Variants in IFT46 observed in about 807,000 individuals in gnomAD.
IFT46 encodes intraflagellar transport 46.
In IFT46, 19 loss-of-function variants were observed where a neutral mutation model predicts 39.6. The observed-to-expected ratio is 0.48, with a 90% CI of 0.33 to 0.70. The LOEUF (loss-of-function observed/expected upper bound fraction) is 0.70. IFT46 is among the 30% of genes least tolerant of loss of function. The pLI is 0.01. For missense variants in IFT46, 334 were observed against 364.8 expected (o/e 0.92, Z 0.69); for synonymous variants, 117 against 134.8 (o/e 0.87, Z 0.91).
At chr11:118,552,429 A>G in intron 7 of IFT46, 94 bp from the exon 8 acceptor site, 1 of 1,471,476 alleles carries the variant, frequency 6.8e-7, no homozygotes. Context: ...TTCATATTCG[A>G]GCTTGCTGAT....
chr11:118,568,173 T>C (rs1367145298), upstream of IFT46, among the ~76,000 whole-genome samples: 1 of 152,206 alleles, frequency 6.6e-6, no homozygotes. Flanking sequence ...AATAAGGCAA[T>C]AGTTTCTAAC....
intron 9 of IFT46, among the ~76,000 whole-genome samples, chr11:118,548,200 TAATA>T (rs1196304089): frequency 4.6e-5 from 7 of 150,778 alleles, no homozygotes; most frequent in Non-Finnish European, 5.9e-5. Context: ...CTTTTCTTAT[TAATA>T]TATAAGAGCT....
At chr11:118,560,490 AAG>A (rs1449029243) in intron 2 of IFT46, 1 of 173,628 alleles carries the variant, frequency 5.8e-6, no homozygotes, top group Non-Finnish European at 1.2e-5. Flanking sequence ...AAAGAAAAGA[AAG>A]AGAAAAATAT....
chr11:118,569,255 G>A (rs899721835), upstream of IFT46, among the ~76,000 whole-genome samples: 2 of 151,206 alleles, frequency 1.3e-5, no homozygotes, highest in African/African-American at 4.9e-5. Context: ...CTCCAGCCCG[G>A]GCAACAAAAG....
chr11:118,567,305 G>A (rs890670992), upstream of IFT46, among the ~76,000 whole-genome samples: 11 of 151,962 alleles, frequency 7.2e-5, no homozygotes, highest in Admixed American at 7.2e-4. Flanking sequence ...GGTCGGGCAC[G>A]GTGGCTCACG....
upstream of IFT46, among the ~76,000 whole-genome samples, chr11:118,576,866 C>T (rs2135533205): frequency 6.6e-6 from 1 of 152,200 alleles, no homozygotes; most frequent in South Asian, 2.1e-4. Flanking sequence ...TACCCTACTT[C>T]TTTCTTCATC....
intron 6 of IFT46, 68 bp downstream of exon 6, chr11:118,554,922 C>CT: frequency 8.6e-7 from 1 of 1,160,380 alleles, no homozygotes. Context: ...ATTAGGGAAA[C>CT]TGTTAAGAGT....
At position 118,551,787 on chromosome 11, in the gene IFT46, T is replaced by C; in HGVS notation, c.671A>G (p.Lys224Arg). The change falls in exon 9 of 12, where the codon AAG becomes AGG. Residue 224 changes from lysine to arginine, a missense_variant and splice_region_variant. Transcript: ENST00000264021. ...WSPEFEELLGKVSLPTAEIDC... is the reference protein window; with the variant it reads ...WSPEFEELLGRVSLPTAEIDC... ...TACCTCCTGCTACCTTCCACTCACC[T>C]TGCCCAAAAGCTCTTCAAACTCCGG... The C allele has an allele frequency of 6.2e-7, 1 of 1,613,688 alleles. No homozygotes were observed. The highest frequency in any genetic ancestry group is 8.5e-7 in the Non-Finnish European group (1 of 1,179,644).
intron 8 of IFT46, among the ~76,000 whole-genome samples, 154 bp downstream of exon 8, chr11:118,552,060 A>C (rs1555068588): frequency 6.6e-6 from 1 of 152,168 alleles, no homozygotes; most frequent in African/African-American, 2.4e-5. Flanking sequence ...TACAATCTTT[A>C]TGTCTACAAT....
At chr11:118,555,159 AGG>A (rs1555069229) in intron 5 of IFT46, 76 bp from the exon 6 acceptor site, 1 of 1,535,952 alleles carries the variant, frequency 6.5e-7, no homozygotes, top group African/African-American at 1.4e-5. Context: ...AAAAAATCTA[AGG>A]GGAATGGCCC....
intron 4 of IFT46, among the ~76,000 whole-genome samples, chr11:118,556,396 G>C (rs1937835983): frequency 6.6e-6 from 1 of 152,128 alleles, no homozygotes; most frequent in African/African-American, 2.4e-5. Context: ...AGGAGGCTGA[G>C]GCAGGAGAAT....
chr11:118,568,217 G>T (rs1407608133), upstream of IFT46, among the ~76,000 whole-genome samples: 1 of 152,140 alleles, frequency 6.6e-6, no homozygotes, highest in African/African-American at 2.4e-5. Flanking sequence ...ATAAGAATTT[G>T]TTCCATGTTT....
At chr11:118,574,972 CT>C (rs1938454008), upstream of IFT46, among the ~76,000 whole-genome samples, 1 of 152,008 alleles carries the variant, frequency 6.6e-6, no homozygotes, top group African/African-American at 2.4e-5. Context: ...CATGTTCTGA[CT>C]TTTTTTCTTG....
At chr11:118,560,988 C>A in intron 2 of IFT46, 2 of 1,399,238 alleles carry the variant, frequency 1.4e-6, no homozygotes, top group Non-Finnish European at 2.0e-6. Context: ...ACTTATTGTA[C>A]TGGCCTGCTG....
rs1038598543 is a variant in IFT46 at position 118,552,479 on chromosome 11, G to A, written c.484-144C>T. 4.1e-6 allele frequency: 4 copies of A among 970,478 alleles called. No homozygotes were observed. In the African/African-American group the frequency reaches 4.9e-5, roughly 12 times the overall value. 60.1% of individuals were successfully genotyped at this position (970,478 alleles called of 1,614,324 possible). A position where few individuals can be genotyped will look rare whatever the true frequency, so the allele number is the denominator to read the frequency against. Reference sequence around the variant, plus strand: ...CGTGAAACAGTAGCCAAATGAAGGGGATAGAAAACCCTGATAAAATCTGCT... The same window carrying A: ...CGTGAAACAGTAGCCAAATGAAGGGAATAGAAAACCCTGATAAAATCTGCT... On this transcript the variant is annotated intron_variant, in intron 7 of 11. Coordinates refer to ENST00000264021, the MANE Select transcript of IFT46 (RefSeq NM_001168618.2).
intron 4 of IFT46, among the ~76,000 whole-genome samples, chr11:118,556,472 G>A (rs1203743151): frequency 2.0e-5 from 3 of 152,066 alleles, no homozygotes; most frequent in African/African-American, 2.4e-5. Context: ...CAGCCTGGGC[G>A]ATAGAGCAAG....
intron 7 of IFT46, among the ~76,000 whole-genome samples, chr11:118,553,358 T>G (rs902576616): frequency 2.0e-5 from 3 of 151,164 alleles, no homozygotes; most frequent in Non-Finnish European, 4.4e-5. Flanking sequence ...GGAAAATCGC[T>G]TGAACCCGGG....
chr11:118,556,359 G>C (rs1565348405), intron 4 of IFT46, among the ~76,000 whole-genome samples: 2 of 152,144 alleles, frequency 1.3e-5, no homozygotes, highest in Non-Finnish European at 2.9e-5. Flanking sequence ...TGGGCGTGGT[G>C]GCGGGCACCT....
At chr11:118,574,791 T>C (rs1938446904), upstream of IFT46, among the ~76,000 whole-genome samples, 1 of 151,994 alleles carries the variant, frequency 6.6e-6, no homozygotes, top group Non-Finnish European at 1.5e-5. Context: ...GGTCTCACTA[T>C]GTTGCCCAGG....
Sources: gnomAD v4.1 joint callset for allele counts (sites outside exome capture counted in the v4.1 genomes callset) on GRCh38, gnomAD v4.1.1 for gene constraint, MANE v1.5 for transcripts, NCBI Gene and HGNC (gene_info 2026-07-23, HGNC 2026-07-21) for gene names.